NFIA: variants seen among roughly 807,000 people sequenced by gnomAD.
The protein encoded by NFIA is nuclear factor I A.
Under a neutral mutation model 62.8 loss-of-function variants are expected in NFIA, and 8 were observed. The observed-to-expected ratio is 0.13, with a 90% CI of 0.07 to 0.23. The LOEUF (loss-of-function observed/expected upper bound fraction) is 0.23, where lower values mean the gene tolerates loss of function less well. Ranked by LOEUF, NFIA falls within the 10% of genes least tolerant of loss-of-function variation. NFIA has a pLI of 1.00. For synonymous variants in NFIA, 235 were observed against 238.1 expected, an observed-to-expected ratio of 0.99 and a Z score of 0.12; for missense variants, 410 against 642.1, an observed-to-expected ratio of 0.64 and a Z score of 3.91.
upstream of NFIA, among the ~76,000 whole-genome samples, chr1:61,078,679 G>A (rs926058625): frequency 6.6e-6 from 1 of 152,180 alleles, no homozygotes; most frequent in Non-Finnish European, 1.5e-5. Context: ...AAAGAAATTA[G>A]GGGAGTGTTT....
At chr1:61,368,414 A>G (rs1313823392) in intron 6 of NFIA, among the ~76,000 whole-genome samples, 1 of 152,214 alleles carries the variant, frequency 6.6e-6, no homozygotes, top group Non-Finnish European at 1.5e-5. Flanking sequence ...ATAAGTGAGA[A>G]ATAGAATGTA....
At position 61,154,717 on chromosome 1, in the gene NFIA, G is replaced by A. The variant is rs115689914; in HGVS notation, c.559+66037G>A. ...TCCACCTGCCTCACCCTCCCCAAGC[G>A]TTGAGACTACAGGCAGTGAGCCACT... On this transcript the variant is annotated intron_variant, in intron 2 of 10. Transcript: ENST00000403491. 6.6e-5 allele frequency among the ~76,000 whole-genome samples: 10 copies of A among 152,298 alleles called. No individual in the cohort carries two copies. In the South Asian group the frequency reaches 1.2e-3, roughly 19 times the overall value.
At chr1:61,213,170 T>G (rs1399308763) in intron 2 of NFIA, among the ~76,000 whole-genome samples, 1 of 152,180 alleles carries the variant, frequency 6.6e-6, no homozygotes, top group Non-Finnish European at 1.5e-5. Context: ...TGACCCAAGT[T>G]TGATGTACAG....
intron 3 of NFIA, among the ~76,000 whole-genome samples, chr1:61,316,749 A>G (rs566081003): frequency 5.2e-4 from 79 of 152,324 alleles, no homozygotes; most frequent in African/African-American, 1.6e-3. Flanking sequence ...AAGTGCTTCA[A>G]TGATCAAAGT....
intron 5 of NFIA, 29 bp downstream of exon 5, chr1:61,352,596 T>C (rs1331432667): frequency 6.6e-7 from 1 of 1,510,144 alleles, no homozygotes; most frequent in Non-Finnish European, 9.2e-7. Context: ...CTTGAAGAAA[T>C]TATGCTACAT....
intron 2 of NFIA, among the ~76,000 whole-genome samples, chr1:61,130,695 G>A (rs1647058072): frequency 6.6e-6 from 1 of 152,174 alleles, no homozygotes; most frequent in African/African-American, 2.4e-5. Flanking sequence ...GTACGTTTCT[G>A]TAGCTTAATT....
intron 2 of NFIA, among the ~76,000 whole-genome samples, chr1:61,146,725 T>C (rs1648028836): frequency 6.6e-6 from 1 of 152,160 alleles, no homozygotes; most frequent in Admixed American, 6.5e-5. Flanking sequence ...CCCCATACCC[T>C]CCACCCCCAC....
At chr1:61,237,916 A>G (rs939008940) in intron 2 of NFIA, among the ~76,000 whole-genome samples, 1 of 152,166 alleles carries the variant, frequency 6.6e-6, no homozygotes, top group African/African-American at 2.4e-5. Flanking sequence ...ATTATTAATC[A>G]TTATTATTAT....
At chr1:61,140,085 C>T (rs530042465) in intron 2 of NFIA, among the ~76,000 whole-genome samples, 1 of 152,054 alleles carries the variant, frequency 6.6e-6, no homozygotes, top group African/African-American at 2.4e-5. Context: ...CCACTCACCC[C>T]CTAAACTCTA....
chr1:61,284,189 C>T (rs1205742659), intron 3 of NFIA, among the ~76,000 whole-genome samples: 2 of 152,154 alleles, frequency 1.3e-5, no homozygotes, highest in Non-Finnish European at 2.9e-5. Context: ...GGTCCCAACT[C>T]AGGGAGACAT....
At chr1:61,228,808 C>T (rs566930916) in intron 2 of NFIA, among the ~76,000 whole-genome samples, 22 of 152,206 alleles carry the variant, frequency 1.4e-4, no homozygotes, top group East Asian at 1.2e-3. Context: ...AAGCTTTCTT[C>T]GTTAGGCAGC....
intron 2 of NFIA, among the ~76,000 whole-genome samples, chr1:61,100,952 T>TA (rs397686396): frequency 1.3e-5 from 2 of 151,922 alleles, no homozygotes; most frequent in South Asian, 2.1e-4. Flanking sequence ...TTTTTTTTTT[T>TA]ACCATAAAAT....
At chr1:61,334,533 A>ATGTGTGTGTGTGTGTGTG (rs1176399144) in intron 4 of NFIA, among the ~76,000 whole-genome samples, 123 of 8,840 alleles carry the variant, frequency 0.014, 7 homozygotes, top group South Asian at 0.034. Context: ...GTGTGTGTAT[A>ATGTGTGTGTGTGTGTGTG]TATGTGTGTG....
intron 2 of NFIA, among the ~76,000 whole-genome samples, chr1:61,144,369 T>A (rs1557595884): frequency 6.6e-6 from 1 of 152,232 alleles, no homozygotes; most frequent in African/African-American, 2.4e-5. Context: ...GGCAGATAGC[T>A]CTCTGGAGAA....
intron 2 of NFIA, among the ~76,000 whole-genome samples, chr1:61,203,943 T>G (rs1254845214): frequency 6.6e-6 from 1 of 152,206 alleles, no homozygotes; most frequent in Non-Finnish European, 1.5e-5. Context: ...TAACCCCATA[T>G]TTCAGGGCAG....
intron 2 of NFIA, among the ~76,000 whole-genome samples, chr1:61,142,871 C>T (rs1350009531): frequency 6.6e-5 from 10 of 152,132 alleles, no homozygotes; most frequent in African/African-American, 2.2e-4. Flanking sequence ...GGGATGGACC[C>T]TCCTTGCTGT....
chr1:61,147,233 C>G (rs1005392094), intron 2 of NFIA, among the ~76,000 whole-genome samples: 1 of 152,094 alleles, frequency 6.6e-6, no homozygotes, highest in African/African-American at 2.4e-5. Flanking sequence ...TCACTGCAAC[C>G]TCCGCCTCCT....
At chr1:61,185,217 T>TA (rs1250006374) in intron 2 of NFIA, among the ~76,000 whole-genome samples, 1 of 152,200 alleles carries the variant, frequency 6.6e-6, no homozygotes, top group African/African-American at 2.4e-5. Context: ...GTAAGCCCAC[T>TA]ATACCTGTTT....
At position 61,088,167 on chromosome 1, in the gene NFIA, A is replaced by G; in HGVS notation, c.46A>G (p.Ile16Val). ...TTCCTAGGATGAATTTCATCCTTTC[A>G]TCGAAGCACTTCTGCCCCACGTCCG... ...CLTQDEFHPFIEALLPHVRAF... is the reference protein window; with the variant it reads ...CLTQDEFHPFVEALLPHVRAF... The change falls in exon 2 of 11, where the codon ATC (isoleucine) becomes GTC (valine). Residue 16 changes from isoleucine (I) to valine (V), a missense_variant. Physicochemically the swap from Ile to Val is conservative, Grantham distance 29. Transcript: ENST00000403491. The surrounding 1 kb of genome is among the most constrained non-coding windows in gnomAD (Gnocchi z 4.5). 6.2e-7 allele frequency: 1 copy of G among 1,602,232 alleles called. No individual in the cohort carries two copies.
Sources: allele counts gnomAD v4.1 joint callset (sites outside exome capture counted in the v4.1 genomes callset), GRCh38; gene constraint gnomAD v4.1.1; non-coding constraint Gnocchi (gnomAD v3.1); transcripts MANE v1.5; gene names NCBI Gene and HGNC (gene_info 2026-07-23, HGNC 2026-07-21).